The following PIK3R4 variants were observed in gnomAD, a reference collection of about 807,000 sequenced individuals.
The protein encoded by PIK3R4 is phosphoinositide-3-kinase regulatory subunit 4.
In PIK3R4, 46 loss-of-function variants were observed where a neutral mutation model predicts 136.5. The ratio of observed to expected loss-of-function variants is 0.34; its 90% CI spans 0.27 to 0.43. The LOEUF is 0.43. Among genes scored for constraint, PIK3R4 ranks in the 20% least tolerant of loss-of-function variants. The pLI is 1.00. For synonymous variants in PIK3R4, 557 were observed against 566.7 expected (o/e 0.98, Z 0.24); for missense variants, 1,331 against 1,649.5 (o/e 0.81, Z 3.35).
intron 9 of PIK3R4, among the ~76,000 whole-genome samples, chr3:130,712,530 T>C (rs561544235): frequency 1.3e-5 from 2 of 152,002 alleles, no homozygotes; most frequent in East Asian, 3.9e-4. Context: ...TAGCCAGGCC[T>C]GGTGGTGCAT....
chr3:130,721,073 C>T (rs939849984), intron 7 of PIK3R4, among the ~76,000 whole-genome samples: 6 of 151,786 alleles, frequency 4.0e-5, no homozygotes, highest in African/African-American at 1.2e-4. Context: ...CGGTGGCTCA[C>T]GCCTGTAATC....
chr3:130,731,712 G>T (rs1376601223), intron 4 of PIK3R4, among the ~76,000 whole-genome samples: 1 of 152,126 alleles, frequency 6.6e-6, no homozygotes, highest in East Asian at 1.9e-4. Context: ...ATCTGTACCA[G>T]CATCTATGAT....
At chr3:130,717,286 T>C (rs2066670942) in intron 8 of PIK3R4, among the ~76,000 whole-genome samples, 1 of 152,112 alleles carries the variant, frequency 6.6e-6, no homozygotes, top group African/African-American at 2.4e-5. Flanking sequence ...TAATCCAAAT[T>C]GTAGAAAAAT....
chr3:130,683,972 G>A (rs2066473832), intron 16 of PIK3R4, among the ~76,000 whole-genome samples: 1 of 152,074 alleles, frequency 6.6e-6, no homozygotes, highest in Non-Finnish European at 1.5e-5. Context: ...TAGGAAGATG[G>A]TGGCAGCTGT....
At chr3:130,706,902 A>G (rs2066608987) in intron 11 of PIK3R4, 46 bp downstream of exon 11, 2 of 1,461,416 alleles carry the variant, frequency 1.4e-6, no homozygotes, top group African/African-American at 1.4e-5. Context: ...ATAGCAGAAG[A>G]GCGTTCAAAG....
At chr3:130,733,504 TA>T (rs1559830250) in intron 4 of PIK3R4, 43 bp downstream of exon 4, 2 of 1,335,750 alleles carry the variant, frequency 1.5e-6, no homozygotes, top group Non-Finnish European at 2.1e-6. Flanking sequence ...GTCATTAACT[TA>T]AAAAATATCT....
chr3:130,731,955 A>C (rs528743254), intron 4 of PIK3R4, among the ~76,000 whole-genome samples: 1 of 152,318 alleles, frequency 6.6e-6, no homozygotes, highest in East Asian at 1.9e-4. Context: ...TCCCCACTGC[A>C]TTCCAGCCTG....
intron 13 of PIK3R4, among the ~76,000 whole-genome samples, chr3:130,690,875 G>A (rs1450814473): frequency 6.7e-6 from 1 of 149,678 alleles, no homozygotes; most frequent in African/African-American, 2.5e-5. Context: ...CTCTATCATA[G>A]ACTACCCCTC....
At chr3:130,698,309 C>T (rs1308142103) in intron 13 of PIK3R4, among the ~76,000 whole-genome samples, 1 of 152,170 alleles carries the variant, frequency 6.6e-6, no homozygotes, top group African/African-American at 2.4e-5. Flanking sequence ...TCTCTCTCCT[C>T]TCCTACTGGA....
chr3:130,712,373 T>C (rs1457567530), intron 9 of PIK3R4, among the ~76,000 whole-genome samples: 1 of 152,000 alleles, frequency 6.6e-6, no homozygotes, highest in African/African-American at 2.4e-5. Context: ...GCCCTGACAT[T>C]AGAAACAAGG....
chr3:130,728,755 A>G, intron 5 of PIK3R4, 71 bp from the exon 6 acceptor site: 6 of 1,039,306 alleles, frequency 5.8e-6, no homozygotes, highest in Non-Finnish European at 8.2e-6. Flanking sequence ...ATTTTTCCCC[A>G]TACAGATAGT....
At chr3:130,714,732 G>A (rs2066652967) in intron 9 of PIK3R4, among the ~76,000 whole-genome samples, 1 of 152,036 alleles carries the variant, frequency 6.6e-6, no homozygotes, top group Non-Finnish European at 1.5e-5. Flanking sequence ...GTTTGCTGAG[G>A]ATGATGGCTT....
intron 6 of PIK3R4, among the ~76,000 whole-genome samples, chr3:130,724,418 G>A (rs749784433): frequency 2.6e-5 from 4 of 152,010 alleles, no homozygotes; most frequent in Non-Finnish European, 4.4e-5. Context: ...TTGTGATGAA[G>A]CAAATATAAT....
At chr3:130,719,224 A>G (rs1442414409) in intron 7 of PIK3R4, among the ~76,000 whole-genome samples, 1 of 151,296 alleles carries the variant, frequency 6.6e-6, no homozygotes, top group East Asian at 1.9e-4. Context: ...TGTATTAAAC[A>G]TAAAATCAAT....
rs187950419 is a variant in PIK3R4, at chr3:130,730,452, A to G, written c.1451-10T>C. On this transcript the variant is annotated splice_polypyrimidine_tract_variant and intron_variant, in intron 4 of 19. Transcript: ENST00000356763. ...AGCAGAGCTATGTTTTCTATAAAAT[A>G]AAAAGGAAGAAAATTTATAATTACA... 3.2e-3 allele frequency: 4,888 copies of G among 1,543,728 alleles called. 14 individuals are homozygous for G. The highest frequency in any genetic ancestry group is 3.6e-3 in the Non-Finnish European group (4,173 of 1,149,452).
At chr3:130,713,919 G>A (rs987979732) in intron 9 of PIK3R4, among the ~76,000 whole-genome samples, 2 of 152,200 alleles carry the variant, frequency 1.3e-5, no homozygotes, top group Non-Finnish European at 2.9e-5. Context: ...TGATCTGCCC[G>A]CCTCAGCCTC....
chr3:130,745,271 A>T lies in PIK3R4; in HGVS notation c.-46-7T>A. On this transcript the variant is annotated splice_polypyrimidine_tract_variant and splice_region_variant and intron_variant, in intron 1 of 19. Transcript: ENST00000356763. ...TAAGGTTAGGATATAATACCTGTTT[A>T]AAATAAAAACAAATGAAGAAAAAAG... The T allele has an allele frequency of 6.7e-7, 1 of 1,486,252 alleles. No individual in the cohort carries two copies. Among genetic ancestry groups the T allele is most frequent in the Non-Finnish European group, 9.0e-7 (1 of 1,117,310 alleles). The allele number at this position is 1,486,252 out of a possible 1,614,324, so 92.1% of individuals were successfully genotyped here.
At chr3:130,739,221 C>T (rs1004451626) in intron 2 of PIK3R4, among the ~76,000 whole-genome samples, 8 of 152,140 alleles carry the variant, frequency 5.3e-5, no homozygotes, top group Middle Eastern at 3.4e-3. Flanking sequence ...GGACTACAGG[C>T]GCCTGCCACC....
chr3:130,681,031 C>T lies in PIK3R4; in HGVS notation c.3743G>A (p.Ser1248Asn). 1 of 1,598,108 alleles carries T rather than the reference C, an allele frequency of 6.3e-7. No homozygotes were observed. Among genetic ancestry groups the T allele is most frequent in the Non-Finnish European group, 8.6e-7 (1 of 1,166,004 alleles). Residue 1248 changes from serine (S) to asparagine (N), a missense_variant, in exon 18 of 20, where the codon AGT becomes AAT. This residue lies in a region of PIK3R4 where 1,180 missense variants were observed against 1,407.0 expected (regional missense o/e 0.84). Transcript: ENST00000356763. Reference sequence around the variant, plus strand: ...TAGGATAGGATTTCCATCTGCAGGACTACAGTAGATACCATGGACGCTATG... The same window carrying T: ...TAGGATAGGATTTCCATCTGCAGGATTACAGTAGATACCATGGACGCTATG... ...SPHSVHGIYC[S>N]PADGNPILLT...
Sources: allele counts gnomAD v4.1 joint callset (sites outside exome capture counted in the v4.1 genomes callset), GRCh38; gene constraint gnomAD v4.1.1; regional missense constraint gnomAD v4.1.1; transcripts MANE v1.5; gene names NCBI Gene and HGNC (gene_info 2026-07-23, HGNC 2026-07-21).